The following MARCHF4 variants were observed in gnomAD, a reference collection of about 807,000 sequenced individuals.
MARCHF4 encodes E3 ubiquitin-protein ligase MARCHF4.
MARCHF4 carries 14 observed loss-of-function variants against 43.9 expected under a neutral mutation model. The ratio of observed to expected loss-of-function variants is 0.32; its 90% confidence interval spans 0.21 to 0.50. The LOEUF is 0.50. Ranked by LOEUF, MARCHF4 falls within the 20% of genes least tolerant of loss-of-function variation. MARCHF4 has a pLI of 0.98. For missense variants in MARCHF4, 468 were observed against 536.7 expected, an observed-to-expected ratio of 0.87 and a Z score of 1.27; for synonymous variants, 226 against 213.3, an observed-to-expected ratio of 1.06 and a Z score of -0.52.
intron 1 of MARCHF4, among the ~76,000 whole-genome samples, chr2:216,309,382 T>C (rs1468164394): frequency 1.3e-5 from 2 of 152,174 alleles, no homozygotes; most frequent in Non-Finnish European, 2.9e-5. Flanking sequence ...CCAAAATATT[T>C]TTAACACAGG....
intron 1 of MARCHF4, among the ~76,000 whole-genome samples, chr2:216,344,328 T>C (rs1559104264): frequency 6.6e-6 from 1 of 152,190 alleles, no homozygotes; most frequent in Non-Finnish European, 1.5e-5. Flanking sequence ...TCCTATCCTA[T>C]TCTACTGAAT....
At chr2:216,332,519 C>CA (rs375668256) in intron 1 of MARCHF4, among the ~76,000 whole-genome samples, 1,788 of 148,332 alleles carry the variant, frequency 0.012, 30 homozygotes, top group African/African-American at 0.042. Context: ...CGTGCCAGTG[C>CA]AAAAAAAAAG....
At chr2:216,366,407 C>G (rs947318388) in intron 1 of MARCHF4, among the ~76,000 whole-genome samples, 9 of 152,188 alleles carry the variant, frequency 5.9e-5, no homozygotes, top group African/African-American at 2.2e-4. Flanking sequence ...CTGACCCCTG[C>G]TCAACATGAA....
chr2:216,258,774 A>G lies in MARCHF4; in HGVS notation c.*538T>C, dbSNP rs1690692711. On this transcript the variant is annotated 3_prime_UTR_variant, in exon 4 of 4. Coordinates refer to ENST00000273067, the MANE Select transcript of MARCHF4 (RefSeq NM_020814.3). ...CCCACCATCCCCACAGCCATTTGTC[A>G]GCGAATCTTGCCCATCCAAATGAGC... The G allele has an allele frequency of 6.5e-6, 1 of 152,874 alleles. No homozygotes were observed. Among genetic ancestry groups the G allele is most frequent in the Admixed American group, 6.5e-5 (1 of 15,276 alleles). 9.5% of individuals were successfully genotyped at this position (152,874 alleles called of 1,614,324 possible). A position where few individuals can be genotyped will look rare whatever the true frequency, so the allele number is the denominator to read the frequency against.
chr2:216,275,815 G>T (rs1320384403), intron 3 of MARCHF4, among the ~76,000 whole-genome samples: 2 of 152,184 alleles, frequency 1.3e-5, no homozygotes, highest in Admixed American at 1.3e-4. Flanking sequence ...AGAAGGGAGA[G>T]TGCACTAGTT....
intron 1 of MARCHF4, among the ~76,000 whole-genome samples, chr2:216,303,836 G>A (rs1691537110): frequency 6.6e-6 from 1 of 152,188 alleles, no homozygotes; most frequent in Admixed American, 6.5e-5. Context: ...AGGTTCTGTA[G>A]ATGAAAAGCA....
rs193201323 is a variant in MARCHF4, at chr2:216,366,888, C to T, written c.516+2857G>A. ...TCTATTTTGTTCACTCCTGAATACT[C>T]ATGCCTGGAACAGCAACGGGCACAC... is the stretch of plus-strand genomic sequence containing the variant. On this transcript the variant is annotated intron_variant, in intron 1 of 3. Coordinates refer to ENST00000273067, the MANE Select transcript of MARCHF4 (RefSeq NM_020814.3). 5.5e-3 allele frequency among the ~76,000 whole-genome samples: 841 copies of T among 152,304 alleles called. 7 individuals are homozygous for T. The highest frequency in any genetic ancestry group is 0.019 in the African/African-American group (796 of 41,560).
At chr2:216,288,047 G>A (rs1691245547) in intron 1 of MARCHF4, among the ~76,000 whole-genome samples, 1 of 151,908 alleles carries the variant, frequency 6.6e-6, no homozygotes, top group Non-Finnish European at 1.5e-5. Context: ...CTGCAGCCTT[G>A]AGCTCCCCAG....
intron 1 of MARCHF4, among the ~76,000 whole-genome samples, chr2:216,368,234 C>G (rs1049415163): frequency 1.3e-5 from 2 of 152,172 alleles, no homozygotes; most frequent in Non-Finnish European, 1.5e-5. Flanking sequence ...TGGCAAGATC[C>G]TGATATCAAA....
intron 1 of MARCHF4, among the ~76,000 whole-genome samples, chr2:216,327,568 T>C (rs1429783830): frequency 6.6e-6 from 1 of 152,200 alleles, no homozygotes; most frequent in African/African-American, 2.4e-5. Context: ...GCAACCTCTC[T>C]CAGTCACCTG....
At chr2:216,275,541 AT>A (rs1345682972) in intron 3 of MARCHF4, among the ~76,000 whole-genome samples, 23 of 152,346 alleles carry the variant, frequency 1.5e-4, no homozygotes, top group African/African-American at 5.5e-4. Flanking sequence ...TTAATCCCAG[AT>A]AAGAACCTTG....
intron 3 of MARCHF4, among the ~76,000 whole-genome samples, chr2:216,270,201 G>T (rs898123976): frequency 6.6e-6 from 1 of 151,890 alleles, no homozygotes; most frequent in Non-Finnish European, 1.5e-5. Flanking sequence ...TCAGCCTCCT[G>T]AGTAACTGGG....
At chr2:216,283,942 G>C (rs1421066158) in intron 1 of MARCHF4, among the ~76,000 whole-genome samples, 1 of 152,184 alleles carries the variant, frequency 6.6e-6, no homozygotes, top group African/African-American at 2.4e-5. Context: ...AAACGGCTCT[G>C]AGCCCCTGCT....
At chr2:216,335,077 T>C (rs1032521595) in intron 1 of MARCHF4, among the ~76,000 whole-genome samples, 1 of 152,206 alleles carries the variant, frequency 6.6e-6, no homozygotes, top group African/African-American at 2.4e-5. Context: ...TCAGAAAATC[T>C]ATATAGCTCA....
At chr2:216,276,655 C>A (rs534818684) in intron 3 of MARCHF4, among the ~76,000 whole-genome samples, 2 of 152,314 alleles carry the variant, frequency 1.3e-5, no homozygotes, top group African/African-American at 4.8e-5. Context: ...TTCTGCCAAA[C>A]AGAGAAGTGT....
At chr2:216,359,278 A>T (rs1023384053) in intron 1 of MARCHF4, among the ~76,000 whole-genome samples, 1 of 152,192 alleles carries the variant, frequency 6.6e-6, no homozygotes, top group African/African-American at 2.4e-5. Flanking sequence ...TTTCCTAGTC[A>T]CATGGTCCTG....
intron 1 of MARCHF4, among the ~76,000 whole-genome samples, chr2:216,354,891 T>TTCTCTTTCTTTCTTTC: frequency 1.2e-5 from 1 of 86,790 alleles, no homozygotes; most frequent in African/African-American, 4.6e-5. Context: ...TTAATAATTG[T>TTCTCTTTCTTTCTTTC]TTTCTTTCTT....
chr2:216,333,638 C>T (rs1692114201), intron 1 of MARCHF4, among the ~76,000 whole-genome samples: 1 of 152,208 alleles, frequency 6.6e-6, no homozygotes, highest in Non-Finnish European at 1.5e-5. Context: ...AAAATCAGCT[C>T]CTCACTTGCT....
At chr2:216,350,271 C>T (rs1405943833) in intron 1 of MARCHF4, among the ~76,000 whole-genome samples, 3 of 132,426 alleles carry the variant, frequency 2.3e-5, no homozygotes, top group East Asian at 5.1e-4. Context: ...CCTCACTCTG[C>T]CATACCCCCT....
Sources: gnomAD v4.1 joint callset for allele counts (sites outside exome capture counted in the v4.1 genomes callset) on GRCh38, gnomAD v4.1.1 for gene constraint, MANE v1.5 for transcripts, NCBI Gene and HGNC (gene_info 2026-07-23, HGNC 2026-07-21) for gene names.